The following HTRA3 variants were observed in gnomAD, a reference collection of about 807,000 sequenced individuals.
HTRA3 encodes serine protease HTRA3.
HTRA3 carries 41 observed loss-of-function variants against 43.2 expected under a neutral mutation model. That is an observed-to-expected ratio of 0.95 (90% CI 0.74 to 1.23). The LOEUF (loss-of-function observed/expected upper bound fraction) is 1.23. Ranked by LOEUF, HTRA3 falls within the 50% of genes most tolerant of loss-of-function variation. The pLI is 0.00. For synonymous variants in HTRA3, 295 were observed against 287.9 expected, an observed-to-expected ratio of 1.02 and a Z score of -0.25; for missense variants, 628 against 647.1, an observed-to-expected ratio of 0.97 and a Z score of 0.32.
chr4:8,304,410 C>T (rs1477161736), intron 8 of HTRA3, 131 bp downstream of exon 8: 13 of 677,624 alleles, frequency 1.9e-5, no homozygotes, highest in East Asian at 8.1e-5. Context: ...TGGATTCTAG[C>T]GTGTCTGCTA....
chr4:8,282,948 G>A (rs969291741), intron 2 of HTRA3, among the ~76,000 whole-genome samples: 7 of 152,284 alleles, frequency 4.6e-5, no homozygotes, highest in Admixed American at 1.3e-4. Flanking sequence ...AGCAGGGCTC[G>A]GGGCAGTGGG....
chr4:8,302,792 C>T lies in HTRA3; in HGVS notation c.1100+281C>T, dbSNP rs73801725. On this transcript the variant is annotated intron_variant, in intron 7 of 8. Coordinates refer to ENST00000307358, the MANE Select transcript of HTRA3 (RefSeq NM_053044.5). ...GCTTAAAACAGCAGAAATGTGTTCC[C>T]TCTCAGTTCTGGAGGTCGGGGATCT... Among the ~76,000 whole-genome samples, 535 of 152,348 alleles carry T rather than the reference C, an allele frequency of 3.5e-3. 4 individuals are homozygous for T. The highest frequency in any genetic ancestry group is 0.012 in the African/African-American group (507 of 41,572).
intron 2 of HTRA3, among the ~76,000 whole-genome samples, chr4:8,285,644 A>G (rs977605739): frequency 6.6e-6 from 1 of 152,218 alleles, no homozygotes; most frequent in African/African-American, 2.4e-5. Context: ...TGTGTCTGGC[A>G]TTCAGCCTCC....
In HTRA3 at chr4:8,306,270, C is replaced by A. The variant is rs536304974; in HGVS notation, c.*134C>A. 1.1e-5 allele frequency: 11 copies of A among 985,190 alleles called. No homozygotes were observed. In the African/African-American group the frequency reaches 1.7e-4, roughly 15 times the overall value. The allele number at this position is 985,190 out of a possible 1,614,324, so 61.0% of individuals were successfully genotyped here. Reference sequence around the variant, plus strand: ...CTCCTCCTGGCTGTCCGGGGCAGAGCGGAGGCTGGGCTTGGCCAGGGGCCC... The same window carrying A: ...CTCCTCCTGGCTGTCCGGGGCAGAGAGGAGGCTGGGCTTGGCCAGGGGCCC... On this transcript the variant is annotated 3_prime_UTR_variant, in exon 9 of 9. Transcript: ENST00000307358. The surrounding 1 kb of genome is among the most constrained non-coding windows in gnomAD (Gnocchi z 8.9).
chr4:8,304,566 G>A (rs1295615274), intron 8 of HTRA3, among the ~76,000 whole-genome samples: 5 of 151,308 alleles, frequency 3.3e-5, no homozygotes, highest in African/African-American at 9.7e-5. Context: ...TCTTTCACTA[G>A]CTGGGGACCA....
intron 1 of HTRA3, among the ~76,000 whole-genome samples, chr4:8,275,208 G>A (rs879726791): frequency 2.6e-4 from 40 of 152,292 alleles, no homozygotes; most frequent in African/African-American, 8.9e-4. Context: ...CCTTCCTGCC[G>A]GGGCTTGGCC....
intron 1 of HTRA3, among the ~76,000 whole-genome samples, chr4:8,277,953 A>C (rs546027511): frequency 6.6e-6 from 1 of 152,340 alleles, no homozygotes; most frequent in Non-Finnish European, 1.5e-5. Flanking sequence ...TGTCAGTCCC[A>C]GCTCTGCACA....
intron 6 of HTRA3, among the ~76,000 whole-genome samples, chr4:8,299,843 T>C: frequency 6.7e-6 from 1 of 148,490 alleles, no homozygotes; most frequent in Non-Finnish European, 1.5e-5. Flanking sequence ...GTATTATCCT[T>C]TTTTTTTTTT....
Position 8,303,657 on chromosome 4 carries a change from T to C in HTRA3, c.1101-527T>C, listed in dbSNP as rs188996052. Among the ~76,000 whole-genome samples, 326 of 152,328 alleles carry C rather than the reference T, an allele frequency of 2.1e-3. 1 individual carries two copies. The highest frequency in any genetic ancestry group is 7.5e-3 in the African/African-American group (311 of 41,582). On this transcript the variant is annotated intron_variant, in intron 7 of 8. Transcript: ENST00000307358. ...AAATTATCAATGTCCAGTATGCCAA[T>C]TTATCTTTTGTTTTCTGTCTCTTTT...
intron 1 of HTRA3, among the ~76,000 whole-genome samples, chr4:8,274,332 T>TG (rs1371601003): frequency 6.6e-6 from 1 of 152,216 alleles, no homozygotes; most frequent in African/African-American, 2.4e-5. Context: ...CCACCTGCCC[T>TG]GGCCACTGTG....
At chr4:8,302,560 T>C (rs1455885299) in intron 7 of HTRA3, 49 bp downstream of exon 7, 1 of 1,578,276 alleles carries the variant, frequency 6.3e-7, no homozygotes, top group African/African-American at 1.3e-5. Context: ...CTCTCATCCC[T>C]CACCCTGACC....
rs748989091 is a variant in HTRA3, at chr4:8,286,566, C to G, written c.491C>G (p.Pro164Arg). 5.6e-5 allele frequency: 91 copies of G among 1,613,458 alleles called. No individual in the cohort carries two copies. The highest frequency in any genetic ancestry group is 7.1e-5 in the Non-Finnish European group (84 of 1,179,954). ...CTGTGTCTCCCTGGCTGCAGACACC[C>G]GCTGTTTGGCCGCAACGTGCCCCTG... is the stretch of plus-strand genomic sequence containing the variant. ...VVHIELFLRH[P>R]LFGRNVPLSS... Residue 164 changes from proline (P) to arginine (R), a missense_variant, in exon 3 of 9, where the codon CCG becomes CGG. Transcript: ENST00000307358. The surrounding 1 kb of genome is among the most constrained non-coding windows in gnomAD (Gnocchi z 4.9).
At chr4:8,280,457 TG>T (rs1712698104) in intron 1 of HTRA3, among the ~76,000 whole-genome samples, 1 of 152,086 alleles carries the variant, frequency 6.6e-6, no homozygotes, top group Non-Finnish European at 1.5e-5. Flanking sequence ...CCTCTCTACT[TG>T]GGTGCTAGAA....
chr4:8,305,625 C>T (rs1560144961), intron 8 of HTRA3, among the ~76,000 whole-genome samples: 1 of 152,230 alleles, frequency 6.6e-6, no homozygotes, highest in Non-Finnish European at 1.5e-5. Flanking sequence ...GAACCTACTC[C>T]TGGGCCTTTA....
At chr4:8,280,493 G>C (rs1032105730) in intron 1 of HTRA3, among the ~76,000 whole-genome samples, 1 of 152,208 alleles carries the variant, frequency 6.6e-6, no homozygotes, top group Non-Finnish European at 1.5e-5. Context: ...CCCAGGGGCA[G>C]GGAGGAGAAG....
chr4:8,297,560 G>A lies in HTRA3; in HGVS notation c.1051+3359G>A, dbSNP rs1278147855. Among the ~76,000 whole-genome samples, 6 of 152,080 alleles carry A rather than the reference G, an allele frequency of 3.9e-5. No individual in the cohort carries two copies. Among genetic ancestry groups the A allele is most frequent in the African/African-American group, 9.7e-5 (4 of 41,432 alleles). ...GAGGCTGGGGCAGGGCTGTGGCCTCGAGGGTGAGGGCTGCATGACGGGGCA... is the reference window on the plus strand; with the variant it reads ...GAGGCTGGGGCAGGGCTGTGGCCTCAAGGGTGAGGGCTGCATGACGGGGCA... On this transcript the variant is annotated intron_variant, in intron 6 of 8. Transcript: ENST00000307358. This position sits in a 1 kb window ranked among gnomAD's most constrained non-coding sequence, Gnocchi z 5.8.
Position 8,293,733 on chromosome 4 carries a change from C to A in HTRA3, c.937-354C>A, listed in dbSNP as rs970546300. Among the ~76,000 whole-genome samples the A allele has an allele frequency of 2.6e-5, 4 of 152,142 alleles. No individual in the cohort carries two copies. The South Asian group carries it at 6.2e-4, about 24-fold the overall frequency. On this transcript the variant is annotated intron_variant, in intron 5 of 8. Transcript: ENST00000307358. The stretch of plus-strand genomic sequence containing the variant: ...AGACAGGGTCTCTGTCCCCGACAGG[C>A]CTTACCATGTTCCTCCCTCTCTCGG...
chr4:8,292,967 C>T (rs1183061855), intron 5 of HTRA3, among the ~76,000 whole-genome samples: 1 of 152,034 alleles, frequency 6.6e-6, no homozygotes, highest in East Asian at 1.9e-4. Flanking sequence ...GGGAGGGCTT[C>T]CTGGAGGTGA....
chr4:8,278,068 G>T (rs867141772), intron 1 of HTRA3, among the ~76,000 whole-genome samples: 1 of 152,158 alleles, frequency 6.6e-6, no homozygotes, highest in Non-Finnish European at 1.5e-5. Context: ...CTGGAGTTAC[G>T]CAGTGTACAA....
Sources: allele counts gnomAD v4.1 joint callset (sites outside exome capture counted in the v4.1 genomes callset), GRCh38; gene constraint gnomAD v4.1.1; non-coding constraint Gnocchi (gnomAD v3.1); transcripts MANE v1.5; gene names NCBI Gene and HGNC (gene_info 2026-07-23, HGNC 2026-07-21).